The following NNT variants were observed in gnomAD, a reference collection of about 807,000 sequenced individuals.
NNT encodes nicotinamide nucleotide transhydrogenase, also known as NAD(P) transhydrogenase, mitochondrial.
NNT carries 50 observed loss-of-function variants against 104.8 expected under a neutral mutation model. That is an observed-to-expected ratio of 0.48 (90% CI 0.38 to 0.60). The LOEUF (loss-of-function observed/expected upper bound fraction) is 0.60, where lower values mean the gene tolerates loss of function less well. Ranked by LOEUF, NNT falls within the 20% of genes least tolerant of loss-of-function variation. The probability of loss-of-function intolerance (pLI) is 0.00; values close to 1 mark genes in which losing one functional copy is unlikely to be tolerated. For missense variants in NNT, 1,131 were observed against 1,330.7 expected (o/e 0.85, Z 2.33); for synonymous variants, 461 against 490.4 (o/e 0.94, Z 0.79).
chr5:43,683,909 G>A (rs1464914717), intron 19 of NNT, among the ~76,000 whole-genome samples: 1 of 152,066 alleles, frequency 6.6e-6, no homozygotes, highest in Admixed American at 6.5e-5. Flanking sequence ...AGTTGGATTT[G>A]GTTAAGCGAT....
chr5:43,619,179 TAGTCTTAAAATAC>T (rs1311372123), intron 5 of NNT, 60 bp downstream of exon 5: 56 of 974,706 alleles, frequency 5.7e-5, no homozygotes, highest in Non-Finnish European at 7.3e-5. Flanking sequence ...AGGGTATGTA[TAGTCTTAAAATAC>T]AGTTATTTAA....
chr5:43,624,001 G>T, intron 5 of NNT, 31 bp from the exon 6 acceptor site: 1 of 1,599,650 alleles, frequency 6.3e-7, no homozygotes, highest in African/African-American at 1.3e-5. Flanking sequence ...TTGATAATGA[G>T]CCTTAACACA....
At chr5:43,689,179 A>C (rs1292979289) in intron 19 of NNT, among the ~76,000 whole-genome samples, 1 of 152,106 alleles carries the variant, frequency 6.6e-6, no homozygotes, top group Non-Finnish European at 1.5e-5. Flanking sequence ...ACATTTGTAT[A>C]TCTTCTTTGA....
intron 20 of NNT, among the ~76,000 whole-genome samples, chr5:43,701,889 T>G (rs1742868456): frequency 6.6e-6 from 1 of 152,186 alleles, no homozygotes; most frequent in Non-Finnish European, 1.5e-5. Flanking sequence ...TTGAGAAATG[T>G]CTGTTCATGT....
At chr5:43,636,743 A>G (rs941904591) in intron 7 of NNT, among the ~76,000 whole-genome samples, 1 of 152,128 alleles carries the variant, frequency 6.6e-6, no homozygotes, top group African/African-American at 2.4e-5. Context: ...AAGTTTGGAG[A>G]ATTCCTGTAA....
Position 43,645,423 on chromosome 5 carries a change from A to G in NNT, c.1357A>G (p.Lys453Glu). 6.4e-7 allele frequency: 1 copy of G among 1,572,884 alleles called. No individual in the cohort carries two copies. Among genetic ancestry groups the G allele is most frequent in the Non-Finnish European group, 8.6e-7 (1 of 1,158,266 alleles). ...TCCTCAAGGTGCCCCAGTAAAACAG[A>G]AGACAGTGGCTGAGCTGGAAGCTGA... The part of the protein sequence containing the change: ...NIPQGAPVKQ[K>E]TVAELEAEKA... The change falls in exon 10 of 22, where the codon AAG (lysine) becomes GAG (glutamate). Residue 453 changes from lysine (K) to glutamate (E), a missense_variant. Transcript: ENST00000344920.
chr5:43,683,482 C>G (rs905562658), intron 19 of NNT, among the ~76,000 whole-genome samples: 4 of 152,180 alleles, frequency 2.6e-5, no homozygotes, highest in African/African-American at 9.7e-5. Context: ...CACAGGCATT[C>G]CTGTGATCTG....
chr5:43,656,108 T>A, intron 15 of NNT, 35 bp downstream of exon 15: 1 of 1,539,314 alleles, frequency 6.5e-7, no homozygotes. Flanking sequence ...GGTAAATATC[T>A]ACTGTTTAGG....
intron 19 of NNT, among the ~76,000 whole-genome samples, chr5:43,686,043 T>G (rs1741971596): frequency 6.6e-6 from 1 of 152,144 alleles, no homozygotes; most frequent in Non-Finnish European, 1.5e-5. Flanking sequence ...TATTAGTTTT[T>G]ATTCTTCCTT....
At chr5:43,623,916 T>A in intron 5 of NNT, 116 bp from the exon 6 acceptor site, 1 of 919,116 alleles carries the variant, frequency 1.1e-6, no homozygotes, top group Non-Finnish European at 1.8e-6. Flanking sequence ...ATTATCACCA[T>A]CTGCACCGCC....
chr5:43,643,618 G>C (rs761174161), intron 7 of NNT, among the ~76,000 whole-genome samples: 22 of 152,150 alleles, frequency 1.4e-4, no homozygotes, highest in Non-Finnish European at 2.8e-4. Context: ...TGGAGTTGTA[G>C]GATTCCACTG....
At chr5:43,641,831 A>G (rs1246073692) in intron 7 of NNT, among the ~76,000 whole-genome samples, 1 of 152,230 alleles carries the variant, frequency 6.6e-6, no homozygotes, top group Non-Finnish European at 1.5e-5. Flanking sequence ...CAAAACACCC[A>G]ACTTATCTCT....
chr5:43,626,619 G>A (rs1750377321), intron 6 of NNT, among the ~76,000 whole-genome samples: 1 of 151,868 alleles, frequency 6.6e-6, no homozygotes, highest in South Asian at 2.1e-4. Flanking sequence ...TTCTAATGAT[G>A]CATATTCATT....
At chr5:43,694,297 C>G (rs1203453518) in intron 19 of NNT, among the ~76,000 whole-genome samples, 1 of 152,160 alleles carries the variant, frequency 6.6e-6, no homozygotes, top group Non-Finnish European at 1.5e-5. Context: ...ATTGCTCTGG[C>G]AAAGACTCTC....
chr5:43,675,490 G>A, intron 17 of NNT, 21 bp from the exon 18 acceptor site: 2 of 1,602,198 alleles, frequency 1.2e-6, no homozygotes, highest in Non-Finnish European at 1.7e-6. Flanking sequence ...AACTCTCACA[G>A]CTGATAATTT....
At chr5:43,669,850 G>A (rs1740949277) in intron 17 of NNT, among the ~76,000 whole-genome samples, 1 of 152,190 alleles carries the variant, frequency 6.6e-6, no homozygotes, top group Admixed American at 6.5e-5. Context: ...AGTTTCAGAA[G>A]GAATGGTACC....
intron 19 of NNT, among the ~76,000 whole-genome samples, chr5:43,690,088 A>T (rs576954051): frequency 6.6e-6 from 1 of 152,186 alleles, no homozygotes; most frequent in African/African-American, 2.4e-5. Context: ...TTTGGAAAAC[A>T]TGTTTGAGGG....
At chr5:43,661,308 T>G (rs1436602007) in intron 17 of NNT, among the ~76,000 whole-genome samples, 2 of 152,188 alleles carry the variant, frequency 1.3e-5, no homozygotes, top group Non-Finnish European at 2.9e-5. Flanking sequence ...TTGATTTTGC[T>G]TCAGTTGATG....
At chr5:43,618,919 A>T (rs894120157) in intron 4 of NNT, 113 bp from the exon 5 acceptor site, 10 of 527,312 alleles carry the variant, frequency 1.9e-5, no homozygotes, top group Non-Finnish European at 2.7e-5. Context: ...ATACTACATA[A>T]ATATTAGCTA....
Sources: gnomAD v4.1 joint callset for allele counts (sites outside exome capture counted in the v4.1 genomes callset) on GRCh38, gnomAD v4.1.1 for gene constraint, MANE v1.5 for transcripts, NCBI Gene and HGNC (gene_info 2026-07-23, HGNC 2026-07-21) for gene names.